The following OPCML variants were observed in gnomAD, a reference collection of about 807,000 sequenced individuals.
OPCML encodes opioid binding protein/cell adhesion molecule like.
OPCML carries 13 observed loss-of-function variants against 37.8 expected under a neutral mutation model. The observed-to-expected ratio is 0.34, with a 90% CI of 0.22 to 0.55. The LOEUF is 0.55. OPCML is among the 20% of genes least tolerant of loss of function. The probability of loss-of-function intolerance (pLI) is 0.91; values close to 1 mark genes in which losing one functional copy is unlikely to be tolerated. For missense variants in OPCML, 341 were observed against 435.6 expected (o/e 0.78, Z 1.93); for synonymous variants, 176 against 168.8 (o/e 1.04, Z -0.33).
At chr11:132,750,632 A>G (rs967107129) in intron 2 of OPCML, among the ~76,000 whole-genome samples, 1 of 152,228 alleles carries the variant, frequency 6.6e-6, no homozygotes, top group African/African-American at 2.4e-5. Flanking sequence ...TTATGCATAC[A>G]TAACTATTTG....
intron 1 of OPCML, among the ~76,000 whole-genome samples, chr11:133,284,218 C>T (rs907200024): frequency 4.6e-5 from 7 of 152,124 alleles, no homozygotes; most frequent in African/African-American, 1.4e-4. Context: ...CAACCTGTAC[C>T]GTGGCTCTTT....
At chr11:132,955,619 C>T (rs111947255) in intron 1 of OPCML, among the ~76,000 whole-genome samples, 3,983 of 152,236 alleles carry the variant, frequency 0.026, 176 homozygotes, top group African/African-American at 0.091. Context: ...CGCGGTGGCT[C>T]ATGCCTGTAA....
At chr11:132,600,564 T>G (rs1057436313) in intron 3 of OPCML, among the ~76,000 whole-genome samples, 1 of 152,194 alleles carries the variant, frequency 6.6e-6, no homozygotes, top group Non-Finnish European at 1.5e-5. Flanking sequence ...GAAAAGTACA[T>G]TTTCAACTCC....
At chr11:132,455,210 C>G (rs566015250) in intron 4 of OPCML, among the ~76,000 whole-genome samples, 2 of 152,312 alleles carry the variant, frequency 1.3e-5, no homozygotes, top group South Asian at 4.1e-4. Context: ...GAACCACAGC[C>G]TTCCTTTACT....
In OPCML at chr11:133,209,338, G is replaced by T. The variant is rs577488627; in HGVS notation, c.62-266328C>A. ...TAGAACCAGACAAGTTTTCAGTATT[G>T]AGAGGTTTGAGAACAAGGGTTTCAC... On this transcript the variant is annotated intron_variant, in intron 1 of 7. Coordinates refer to ENST00000524381, the MANE Select transcript of OPCML (RefSeq NM_001012393.5). 4.1e-4 allele frequency among the ~76,000 whole-genome samples: 62 copies of T among 152,306 alleles called. 1 individual carries two copies. The highest frequency in any genetic ancestry group is 1.4e-3 in the African/African-American group (60 of 41,566).
chr11:132,812,948 T>G (rs1939429161), intron 2 of OPCML, among the ~76,000 whole-genome samples: 1 of 152,184 alleles, frequency 6.6e-6, no homozygotes, highest in Admixed American at 6.5e-5. Flanking sequence ...TCCTATAACT[T>G]GAGGTTTGTA....
chr11:132,790,827 G>A (rs1469329186), intron 2 of OPCML, among the ~76,000 whole-genome samples: 1 of 152,192 alleles, frequency 6.6e-6, no homozygotes, highest in Non-Finnish European at 1.5e-5. Flanking sequence ...TTTTGGTTAT[G>A]GGAAAAGAGT....
At chr11:133,522,279 T>G (rs1004925708) in intron 1 of OPCML, among the ~76,000 whole-genome samples, 1 of 152,222 alleles carries the variant, frequency 6.6e-6, no homozygotes, top group Non-Finnish European at 1.5e-5. Context: ...GATGTTTTGA[T>G]AGTGTAGTGA....
intron 1 of OPCML, among the ~76,000 whole-genome samples, chr11:133,193,740 A>G (rs1169829582): frequency 6.6e-6 from 1 of 152,208 alleles, no homozygotes; most frequent in Non-Finnish European, 1.5e-5. Flanking sequence ...GGAGGAAAAA[A>G]TAAGAACCAA....
chr11:133,088,027 A>G (rs1359322263), intron 1 of OPCML, among the ~76,000 whole-genome samples: 1 of 152,236 alleles, frequency 6.6e-6, no homozygotes, highest in Non-Finnish European at 1.5e-5. Flanking sequence ...GTGTAATAAG[A>G]AGGTAAGGGT....
chr11:132,985,057 C>T (rs1946661330), intron 1 of OPCML, among the ~76,000 whole-genome samples: 1 of 152,176 alleles, frequency 6.6e-6, no homozygotes, highest in Non-Finnish European at 1.5e-5. Context: ...CTTCCATTTA[C>T]TCTTCAGCAC....
chr11:133,412,426 C>A (rs1303879368), intron 1 of OPCML, among the ~76,000 whole-genome samples: 1 of 152,158 alleles, frequency 6.6e-6, no homozygotes, highest in African/African-American at 2.4e-5. Flanking sequence ...GGGCACGGTT[C>A]ACAAAGGTCA....
intron 1 of OPCML, among the ~76,000 whole-genome samples, chr11:133,372,191 A>C (rs1944690057): frequency 6.6e-6 from 1 of 152,212 alleles, no homozygotes; most frequent in Non-Finnish European, 1.5e-5. Flanking sequence ...AAATGTTCCC[A>C]AAACATAGAA....
intron 1 of OPCML, among the ~76,000 whole-genome samples, chr11:133,260,873 A>ATT (rs112419646): frequency 6.0e-5 from 9 of 150,124 alleles, no homozygotes; most frequent in African/African-American, 1.7e-4. Flanking sequence ...TAGTACATAG[A>ATT]TTTTTTTTTT....
At chr11:133,356,771 C>G (rs993133732) in intron 1 of OPCML, among the ~76,000 whole-genome samples, 1 of 152,158 alleles carries the variant, frequency 6.6e-6, no homozygotes, top group Admixed American at 6.5e-5. Flanking sequence ...GTGGCAGGAA[C>G]AGGACATATA....
At chr11:132,573,061 T>C (rs961270594) in intron 3 of OPCML, among the ~76,000 whole-genome samples, 2 of 151,990 alleles carry the variant, frequency 1.3e-5, no homozygotes, top group Non-Finnish European at 2.9e-5. Context: ...TTATTTTTAG[T>C]ATATACAAAC....
At chr11:132,727,361 C>G (rs1040466640) in intron 2 of OPCML, among the ~76,000 whole-genome samples, 1 of 152,160 alleles carries the variant, frequency 6.6e-6, no homozygotes, top group African/African-American at 2.4e-5. Flanking sequence ...TCATTTCTCC[C>G]GGTAACTTGT....
rs183934186 is a variant in OPCML, at chr11:132,936,400, G to A, written c.146+6526C>T. On this transcript the variant is annotated intron_variant, in intron 2 of 7. Transcript: ENST00000524381. ...GTTTAACTTTTCTAAACCTGGACCCGTAGGCTGTTAATAGGGATTGTAATG... is the reference window on the plus strand; with the variant it reads ...GTTTAACTTTTCTAAACCTGGACCCATAGGCTGTTAATAGGGATTGTAATG... Among the ~76,000 whole-genome samples the A allele has an allele frequency of 1.5e-3, 228 of 152,268 alleles. 1 individual carries two copies. Among genetic ancestry groups the A allele is most frequent in the African/African-American group, 5.3e-3 (219 of 41,556 alleles).
chr11:132,460,401 T>G (rs1951460183), intron 4 of OPCML, among the ~76,000 whole-genome samples: 1 of 152,158 alleles, frequency 6.6e-6, no homozygotes, highest in Admixed American at 6.5e-5. Flanking sequence ...AGCTTTGACC[T>G]CACAGCAATA....
Sources: allele counts gnomAD v4.1 joint callset (sites outside exome capture counted in the v4.1 genomes callset), GRCh38; gene constraint gnomAD v4.1.1; transcripts MANE v1.5; gene names NCBI Gene and HGNC (gene_info 2026-07-23, HGNC 2026-07-21).